The following GHR variants were observed in gnomAD, a reference collection of about 807,000 sequenced individuals.
GHR encodes growth hormone receptor.
A neutral mutation model predicts 67.1 loss-of-function variants in GHR; 35 were observed. That is an observed-to-expected ratio of 0.52 (90% confidence interval 0.40 to 0.69). GHR has a LOEUF of 0.69. GHR is among the 30% of genes least tolerant of loss of function. GHR has a pLI of 0.00. For synonymous variants in GHR, 272 were observed against 269.1 expected (o/e 1.01, Z -0.10); for missense variants, 792 against 764.6 (o/e 1.04, Z -0.42).
Position 42,719,120 on chromosome 5 carries a change from C to G in GHR, c.1613C>G (p.Ala538Gly), listed in dbSNP as rs774678336. 6.2e-7 allele frequency: 1 copy of G among 1,614,050 alleles called. No individual in the cohort carries two copies. The highest frequency in any genetic ancestry group is 1.7e-5 in the Admixed American group (1 of 60,030). The change falls in exon 10 of 10, where the codon GCA becomes GGA. Residue 538 changes from alanine (A) to glycine (G), a missense_variant. Physicochemically the swap from Ala to Gly is moderately conservative, Grantham distance 60 (BLOSUM62 0). Coordinates refer to ENST00000230882, the MANE Select transcript of GHR (RefSeq NM_000163.5). ...ATGGACAATGCCTACTTCTGTGAGG[C>G]AGATGCCAAAAAGTGCATCCCTGTG... ...FLMDNAYFCEADAKKCIPVAP... is the reference protein window; with the variant it reads ...FLMDNAYFCEGDAKKCIPVAP...
At chr5:42,694,196 T>C (rs1331251497) in intron 4 of GHR, among the ~76,000 whole-genome samples, 5 of 152,230 alleles carry the variant, frequency 3.3e-5, no homozygotes, top group African/African-American at 1.2e-4. Flanking sequence ...CCCACATTGC[T>C]TTGTAATATG....
intron 3 of GHR, among the ~76,000 whole-genome samples, chr5:42,658,219 A>G (rs762703308): frequency 1.4e-4 from 22 of 152,204 alleles, no homozygotes; most frequent in Admixed American, 2.6e-4. Flanking sequence ...CAACCTTACC[A>G]TAAAAAGAAA....
intron 3 of GHR, among the ~76,000 whole-genome samples, chr5:42,658,658 G>A (rs1236191548): frequency 1.3e-5 from 2 of 151,986 alleles, no homozygotes; most frequent in Admixed American, 6.6e-5. Context: ...TTTCCCCCCA[G>A]GGGACATTTG....
chr5:42,451,513 G>A (rs1192460032), intron 1 of GHR, among the ~76,000 whole-genome samples: 1 of 151,742 alleles, frequency 6.6e-6, no homozygotes, highest in Non-Finnish European at 1.5e-5. Context: ...AGGCCAAGAT[G>A]GGCAGATCAC....
At chr5:42,548,514 A>C in intron 1 of GHR, 1 of 982,674 alleles carries the variant, frequency 1.0e-6, no homozygotes, top group Non-Finnish European at 1.2e-6. Flanking sequence ...TTTCAGCAAT[A>C]TCTGCCGGAC....
At chr5:42,521,465 G>A (rs558840689) in intron 1 of GHR, among the ~76,000 whole-genome samples, 7 of 152,140 alleles carry the variant, frequency 4.6e-5, no homozygotes, top group Non-Finnish European at 1.0e-4. Context: ...AGGCCTTTCA[G>A]GTGGCAGCTG....
chr5:42,527,850 A>G (rs989229258), intron 1 of GHR, among the ~76,000 whole-genome samples: 1 of 152,170 alleles, frequency 6.6e-6, no homozygotes, highest in East Asian at 1.9e-4. Context: ...AAATCATACA[A>G]TTTCAAAAAT....
chr5:42,701,458 G>A (rs542356462), intron 6 of GHR, among the ~76,000 whole-genome samples: 1 of 152,250 alleles, frequency 6.6e-6, no homozygotes, highest in Non-Finnish European at 1.5e-5. Flanking sequence ...TTGAAGAAAA[G>A]CGCTTAAATG....
At chr5:42,568,915 C>G (rs1353265630) in intron 2 of GHR, among the ~76,000 whole-genome samples, 1 of 152,156 alleles carries the variant, frequency 6.6e-6, no homozygotes, top group Non-Finnish European at 1.5e-5. Flanking sequence ...ATTGATTCTT[C>G]CCTCAAGGAA....
In GHR at chr5:42,533,900, C is replaced by G. The variant is rs531327761; in HGVS notation, c.-11-31964C>G. ...ATGCCTTTGCATCCTCATAGCTTAG[C>G]CCCCACATATCAGTGAGAACATATC... is the stretch of plus-strand genomic sequence containing the variant. On this transcript the variant is annotated intron_variant, in intron 1 of 9. Transcript: ENST00000230882. Among the ~76,000 whole-genome samples the G allele has an allele frequency of 3.1e-3, 473 of 151,216 alleles. 1 individual carries two copies. The highest frequency in any genetic ancestry group is 5.4e-3 in the Non-Finnish European group (365 of 67,762).
chr5:42,695,021 C>T lies in GHR; in HGVS notation c.371C>T (p.Pro124Leu), dbSNP rs1352067355. 1 of 1,608,656 alleles carries T rather than the reference C, an allele frequency of 6.2e-7. No individual in the cohort carries two copies. The highest frequency in any genetic ancestry group is 1.3e-5 in the African/African-American group (1 of 74,900). The change falls in exon 5 of 10, where the codon CCT becomes CTT. Residue 124 changes from proline (P) to leucine (L), a missense_variant. Pro to Leu is a moderately conservative substitution (Grantham distance 98). Transcript: ENST00000230882. ...FNSSFTSIWI[P>L]YCIKLTSNGG... ...TCATCGTTTACCTCCATCTGGATAC[C>T]TTATTGTATCAAGCTAACTAGCAAT...
intron 1 of GHR, among the ~76,000 whole-genome samples, chr5:42,470,461 A>G (rs1744965081): frequency 6.6e-6 from 1 of 152,118 alleles, no homozygotes; most frequent in Non-Finnish European, 1.5e-5. Flanking sequence ...TATTCCCAAT[A>G]GATTTCCCGC....
chr5:42,565,360 A>G, intron 1 of GHR: 3 of 653,080 alleles, frequency 4.6e-6, no homozygotes, highest in Non-Finnish European at 5.7e-6. Flanking sequence ...AGGATGGCTC[A>G]TTAGCAACTC....
At chr5:42,482,627 T>C (rs577560373) in intron 1 of GHR, among the ~76,000 whole-genome samples, 1 of 152,120 alleles carries the variant, frequency 6.6e-6, no homozygotes. Flanking sequence ...AGTTCAATCT[T>C]AGACTGCTGT....
intron 1 of GHR, among the ~76,000 whole-genome samples, chr5:42,486,001 TA>T (rs890255830): frequency 6.6e-6 from 1 of 152,214 alleles, no homozygotes; most frequent in African/African-American, 2.4e-5. Context: ...TTAATATGTA[TA>T]AAAATCACAT....
intron 1 of GHR, among the ~76,000 whole-genome samples, chr5:42,493,294 A>G (rs1746191887): frequency 6.6e-6 from 1 of 152,194 alleles, no homozygotes; most frequent in African/African-American, 2.4e-5. Context: ...GTTTGGTATT[A>G]TCATATTATC....
intron 2 of GHR, among the ~76,000 whole-genome samples, chr5:42,603,663 T>A (rs1489575064): frequency 6.6e-6 from 1 of 152,214 alleles, no homozygotes; most frequent in Non-Finnish European, 1.5e-5. Context: ...ACAAACAAAC[T>A]GTTTTTCCTC....
At chr5:42,693,876 G>A (rs1757544095) in intron 4 of GHR, among the ~76,000 whole-genome samples, 1 of 152,132 alleles carries the variant, frequency 6.6e-6, no homozygotes, top group African/African-American at 2.4e-5. Flanking sequence ...TCAATTAATA[G>A]GCTAGTGAAT....
chr5:42,693,142 CT>C (rs5867597), intron 4 of GHR, among the ~76,000 whole-genome samples: 94,062 of 147,432 alleles, frequency 0.64, 31,092 homozygotes, highest in East Asian at 0.82. Context: ...GCATATGCAA[CT>C]TTTTTTTTTT....
Sources: allele counts gnomAD v4.1 joint callset (sites outside exome capture counted in the v4.1 genomes callset), GRCh38; gene constraint gnomAD v4.1.1; transcripts MANE v1.5; gene names NCBI Gene and HGNC (gene_info 2026-07-23, HGNC 2026-07-21).